Variants in ADAP1 observed in about 807,000 individuals in gnomAD.
The protein encoded by ADAP1 is ArfGAP with dual PH domains 1.
Under a neutral mutation model 54.9 loss-of-function variants are expected in ADAP1, and 31 were observed. The observed-to-expected ratio is 0.56, with a 90% CI of 0.42 to 0.76. The LOEUF (loss-of-function observed/expected upper bound fraction) is 0.76. Among genes scored for constraint, ADAP1 ranks in the 30% least tolerant of loss-of-function variants. ADAP1 has a pLI of 0.00. For synonymous variants in ADAP1, 313 were observed against 202.6 expected (o/e 1.55, Z -4.63); for missense variants, 535 against 512.4 (o/e 1.04, Z -0.42).
intron 1 of ADAP1, among the ~76,000 whole-genome samples, chr7:949,868 T>C (rs1030758627): frequency 3.9e-5 from 6 of 152,090 alleles, no homozygotes; most frequent in Non-Finnish European, 5.9e-5. Flanking sequence ...CAAAACCAGG[T>C]AGGGGAAACC....
intron 4 of ADAP1, 53 bp downstream of exon 4, chr7:919,915 A>AAAGAGATGGGGGAGGGAGGGG: frequency 1.4e-6 from 2 of 1,382,266 alleles, no homozygotes; most frequent in African/African-American, 1.6e-5. Flanking sequence ...GGAGGGAGGG[A>AAAGAGATGGGGGAGGGAGGGG]GAGAGCCAGG....
At chr7:902,736 A>G (rs1295944458) in intron 6 of ADAP1, among the ~76,000 whole-genome samples, 1 of 152,044 alleles carries the variant, frequency 6.6e-6, no homozygotes, top group Non-Finnish European at 1.5e-5. Flanking sequence ...CTGGACTGGA[A>G]GGGCCACCCT....
intron 6 of ADAP1, 141 bp downstream of exon 6, chr7:903,985 G>A: frequency 1.7e-6 from 2 of 1,161,338 alleles, no homozygotes; most frequent in East Asian, 5.8e-5. Flanking sequence ...ACGCTGCCCA[G>A]CCCGACTTCC....
At chr7:912,330 C>T (rs989427011) in intron 4 of ADAP1, among the ~76,000 whole-genome samples, 11 of 152,190 alleles carry the variant, frequency 7.2e-5, no homozygotes, top group South Asian at 2.1e-4. Context: ...GGCTGCGGCC[C>T]GAGGCGGGGC....
intron 4 of ADAP1, among the ~76,000 whole-genome samples, chr7:916,978 A>C (rs13226347): frequency 4.0e-4 from 14 of 34,904 alleles, no homozygotes; most frequent in South Asian, 2.0e-3. Flanking sequence ...GGAGGTGCAC[A>C]GGAGGGGTGC....
At chr7:922,066 C>T (rs372504323) in intron 3 of ADAP1, among the ~76,000 whole-genome samples, 13,209 of 152,172 alleles carry the variant, frequency 0.087, 756 homozygotes, top group South Asian at 0.16. Flanking sequence ...TCCTGCCCAG[C>T]GGAGCCCTCC....
In ADAP1 at chr7:945,276, G is replaced by A. The variant is rs1050482182; in HGVS notation, c.82+9120C>T. Among the ~76,000 whole-genome samples the A allele has an allele frequency of 5.9e-5, 9 of 152,210 alleles. No individual in the cohort carries two copies. Among genetic ancestry groups the A allele is most frequent in the Non-Finnish European group, 1.2e-4 (8 of 68,038 alleles). The stretch of plus-strand genomic sequence containing the variant: ...AGCCCATCGGAGCGAAAAGGGGCGG[G>A]GCACGCACTCTCAGAGACCCTCCAG... On this transcript the variant is annotated intron_variant, in intron 1 of 10. Coordinates refer to ENST00000265846, the MANE Select transcript of ADAP1 (RefSeq NM_006869.4). The surrounding 1 kb of genome is among the most constrained non-coding windows in gnomAD (Gnocchi z 4.2).
chr7:901,619 G>T lies in ADAP1; in HGVS notation c.649-1003C>A, dbSNP rs144856795. Among the ~76,000 whole-genome samples, 53 of 151,950 alleles carry T rather than the reference G, an allele frequency of 3.5e-4. No homozygotes were observed. In the East Asian group the frequency reaches 8.2e-3, roughly 23 times the overall value. ...GGGATTGCCCTGTCCTCTTCCAGTG[G>T]CCCCACCCAGCAAAGCCCCACCCAC... On this transcript the variant is annotated intron_variant, in intron 6 of 10. Coordinates refer to ENST00000265846, the MANE Select transcript of ADAP1 (RefSeq NM_006869.4).
intron 1 of ADAP1, among the ~76,000 whole-genome samples, chr7:953,178 C>G (rs1256206276): frequency 6.6e-6 from 1 of 152,204 alleles, no homozygotes; most frequent in African/African-American, 2.4e-5. Context: ...GGTGAGCCAG[C>G]CCAGGGGGCC....
chr7:904,370 T>C, intron 5 of ADAP1, 98 bp from the exon 6 acceptor site: 1 of 1,445,500 alleles, frequency 6.9e-7, no homozygotes, highest in East Asian at 2.4e-5. Context: ...GCGCACCTGC[T>C]GTGCTGTGTG....
rs56919223 is a variant in ADAP1, at chr7:905,299, A to T, written c.389-127T>A. ...GGGGACACGGACGGGGGACACGGAC[A>T]GGGGGAGACGGACGGGGAGAGGGGA... On this transcript the variant is annotated intron_variant, in intron 4 of 10. Transcript: ENST00000265846. 6.5e-4 allele frequency: 112 copies of T among 172,654 alleles called. 3 individuals carry two copies. Among genetic ancestry groups the T allele is most frequent in the African/African-American group, 1.7e-3 (19 of 10,962 alleles). 10.7% of individuals were successfully genotyped at this position (172,654 alleles called of 1,614,324 possible). A position where few individuals can be genotyped will look rare whatever the true frequency, so the allele number is the denominator to read the frequency against.
rs1459654795 is a variant in ADAP1 at position 904,150 on chromosome 7, G to A, written c.624C>T (p.Ile208=). 6 of 1,612,644 alleles carry A rather than the reference G, an allele frequency of 3.7e-6. No individual in the cohort carries two copies. The highest frequency in any genetic ancestry group is 1.7e-5 in the Admixed American group (1 of 60,010). ...CCTTCCCGTCCTCATGGTAGATGAA[G>A]ATGTTACGGGTGCTGTTGTCCTTCA... ...TYLKDNSTRN[I]FIYHEDGKEI... The change falls in exon 6 of 11, where the codon ATC becomes ATT. Residue 208 remains isoleucine (I), a synonymous_variant. Coordinates refer to ENST00000265846, the MANE Select transcript of ADAP1 (RefSeq NM_006869.4).
intron 4 of ADAP1, among the ~76,000 whole-genome samples, chr7:913,781 A>T (rs1845821292): frequency 6.6e-6 from 1 of 152,020 alleles, no homozygotes; most frequent in South Asian, 2.1e-4. Context: ...CTAAAAATAT[A>T]AAAATTAGCC....
chr7:916,224 G>C (rs904974907), intron 4 of ADAP1, among the ~76,000 whole-genome samples: 1 of 152,216 alleles, frequency 6.6e-6, no homozygotes, highest in Non-Finnish European at 1.5e-5. Context: ...TGCCAAAGGA[G>C]GTGGCCACCA....
intron 1 of ADAP1, among the ~76,000 whole-genome samples, chr7:944,871 A>G (rs553326070): frequency 6.6e-6 from 1 of 152,234 alleles, no homozygotes; most frequent in South Asian, 2.1e-4. Flanking sequence ...CTCTGTTTTA[A>G]AGAAAGATTC....
At chr7:914,381 G>T (rs958341310) in intron 4 of ADAP1, among the ~76,000 whole-genome samples, 3 of 152,240 alleles carry the variant, frequency 2.0e-5, no homozygotes, top group Non-Finnish European at 2.9e-5. Flanking sequence ...TGGTGGCAAA[G>T]CCAGGGAGCA....
At chr7:919,304 A>AC (rs1846064539) in intron 4 of ADAP1, among the ~76,000 whole-genome samples, 1 of 152,036 alleles carries the variant, frequency 6.6e-6, no homozygotes, top group Non-Finnish European at 1.5e-5. Flanking sequence ...CCTGCAGGCC[A>AC]CCCCCGAATG....
chr7:950,485 C>CAAAAAAA (rs59360722), intron 1 of ADAP1, among the ~76,000 whole-genome samples: 1 of 93,116 alleles, frequency 1.1e-5, no homozygotes, highest in African/African-American at 4.2e-5. Flanking sequence ...GACTCTGCCT[C>CAAAAAAA]AAAAAAAAAA....
chr7:949,290 C>T (rs905840362), intron 1 of ADAP1, among the ~76,000 whole-genome samples: 3 of 152,264 alleles, frequency 2.0e-5, no homozygotes, highest in South Asian at 2.1e-4. Flanking sequence ...CACACGGCCA[C>T]GTGCCGCCTC....
Sources: gnomAD v4.1 joint callset for allele counts (sites outside exome capture counted in the v4.1 genomes callset) on GRCh38, gnomAD v4.1.1 for gene constraint, Gnocchi (gnomAD v3.1) non-coding constraint, MANE v1.5 for transcripts, NCBI Gene and HGNC (gene_info 2026-07-23, HGNC 2026-07-21) for gene names.